The following MTOR variants were observed in gnomAD, a reference collection of about 807,000 sequenced individuals.
MTOR encodes mechanistic target of rapamycin kinase.
Under a neutral mutation model 319.8 loss-of-function variants are expected in MTOR, and 70 were observed. The ratio of observed to expected loss-of-function variants is 0.22; its 90% confidence interval spans 0.18 to 0.27. The LOEUF (loss-of-function observed/expected upper bound fraction) is 0.27. MTOR is among the 10% of genes least tolerant of loss of function. The pLI is 1.00. For missense variants in MTOR, 1,890 were observed against 3,274.4 expected, an observed-to-expected ratio of 0.58 and a Z score of 10.32; for synonymous variants, 1,183 against 1,211.4, an observed-to-expected ratio of 0.98 and a Z score of 0.49.
chr1:11,164,309 T>C (rs1470240584), intron 29 of MTOR, among the ~76,000 whole-genome samples: 1 of 123,084 alleles, frequency 8.1e-6, no homozygotes, highest in African/African-American at 3.2e-5. Flanking sequence ...CACTCCAGCC[T>C]GGGCGACAGA....
At chr1:11,239,020 C>T (rs942538616) in intron 11 of MTOR, among the ~76,000 whole-genome samples, 6 of 151,820 alleles carry the variant, frequency 4.0e-5, no homozygotes, top group Admixed American at 1.3e-4. Flanking sequence ...GTGATCCGCC[C>T]GCCTCGGCCT....
chr1:11,154,804 A>G (rs889496292), intron 30 of MTOR, among the ~76,000 whole-genome samples: 9 of 152,060 alleles, frequency 5.9e-5, no homozygotes, highest in Admixed American at 5.9e-4. Context: ...AGCTGTGATC[A>G]CACCACTGTA....
At chr1:11,227,366 T>C (rs1201718803) in intron 19 of MTOR, among the ~76,000 whole-genome samples, 1 of 117,450 alleles carries the variant, frequency 8.5e-6, no homozygotes, top group African/African-American at 4.1e-5. Flanking sequence ...TAGAAACAAA[T>C]AAACAGTATG....
rs747130357 is a variant in MTOR, at chr1:11,247,991, G to A, written c.944C>T (p.Pro315Leu). 1.2e-6 allele frequency: 2 copies of A among 1,614,162 alleles called. No individual in the cohort carries two copies. The highest frequency in any genetic ancestry group is 2.2e-5 in the South Asian group (2 of 91,080). ...CTGTACAGCCTGGAAACTGGTGAAG[G>A]GGGTAATGTGACGAGGTTTTGTTCC... Reference protein sequence around the residue: ...GFGTKPRHITPFTSFQAVQPQ... With the variant: ...GFGTKPRHITLFTSFQAVQPQ... Residue 315 changes from proline (P) to leucine (L), a missense_variant, in exon 7 of 58, where the codon CCC becomes CTC. This residue lies in a region of MTOR where 418 missense variants were observed against 543.1 expected (regional missense o/e 0.77). Transcript: ENST00000361445.
At chr1:11,258,205 G>C (rs1159057719) in intron 3 of MTOR, among the ~76,000 whole-genome samples, 1 of 152,104 alleles carries the variant, frequency 6.6e-6, no homozygotes, top group Non-Finnish European at 1.5e-5. Flanking sequence ...TGAGGAAGCA[G>C]AGCCCACAAA....
intron 2 of MTOR, among the ~76,000 whole-genome samples, chr1:11,258,984 G>A (rs1650776112): frequency 6.6e-6 from 1 of 152,112 alleles, no homozygotes; most frequent in East Asian, 1.9e-4. Context: ...GTGGTATGTG[G>A]TAAGGAAAAA....
Position 11,234,263 on chromosome 1 carries a change from A to C in MTOR, c.2211T>G (p.Ile737Met). 1 of 1,611,502 alleles carries C rather than the reference A, an allele frequency of 6.2e-7. No individual in the cohort carries two copies. The highest frequency in any genetic ancestry group is 8.5e-7 in the Non-Finnish European group (1 of 1,178,856). The change falls in exon 14 of 58, where the codon ATT (isoleucine) becomes ATG (methionine). Residue 737 changes from isoleucine (I) to methionine (M), a missense_variant and splice_region_variant. Around this residue, in one of 15 missense-constraint regions of MTOR, gnomAD observed 377 missense variants for 653.9 expected, o/e 0.58. Transcript: ENST00000361445. Reference sequence around the variant, plus strand: ...TCCCACTGTGCTCCAACTCTGTCAAAATCTGTAGGGAAGAAAGGCTCATAT... The same window carrying C: ...TCCCACTGTGCTCCAACTCTGTCAACATCTGTAGGGAAGAAAGGCTCATAT... ...MPFLRKMLIQILTELEHSGIG... is the reference protein window; with the variant it reads ...MPFLRKMLIQMLTELEHSGIG...
In MTOR at chr1:11,129,899, G is replaced by A; in HGVS notation, c.5614-61C>T. 7.1e-7 allele frequency: 1 copy of A among 1,405,022 alleles called. No homozygotes were observed. The highest frequency in any genetic ancestry group is 1.0e-6 in the Non-Finnish European group (1 of 994,726). The allele number at this position is 1,405,022 out of a possible 1,614,324, so 87.0% of individuals were successfully genotyped here. On this transcript the variant is annotated intron_variant, in intron 39 of 57. Coordinates refer to ENST00000361445, the MANE Select transcript of MTOR (RefSeq NM_004958.4). This position sits in a 1 kb window ranked among gnomAD's most constrained non-coding sequence, Gnocchi z 4.7. ...CTCTGCTTTCTCATCTGTAAAATGG[G>A]CATAAGAGCATACTAACTGTACCTA...
chr1:11,192,305 A>T (rs777639706), intron 28 of MTOR: 3 of 1,613,928 alleles, frequency 1.9e-6, no homozygotes, highest in Admixed American at 1.7e-5. Context: ...CTACCAGAAG[A>T]ACTACCGCAT....
chr1:11,209,813 T>C (rs547937838), intron 24 of MTOR, among the ~76,000 whole-genome samples: 2 of 152,328 alleles, frequency 1.3e-5, no homozygotes, highest in East Asian at 3.9e-4. Context: ...AAAAGAATCA[T>C]CTATTCACTT....
chr1:11,254,081 C>A, intron 5 of MTOR, 108 bp from the exon 6 acceptor site: 1 of 1,274,728 alleles, frequency 7.8e-7, no homozygotes, highest in South Asian at 1.3e-5. Flanking sequence ...CACGCCTGCT[C>A]AGTGCCTAGT....
intron 28 of MTOR, among the ~76,000 whole-genome samples, chr1:11,190,361 C>T (rs138812082): frequency 6.6e-6 from 1 of 152,268 alleles, no homozygotes; most frequent in African/African-American, 2.4e-5. Flanking sequence ...CAAAGTTTTG[C>T]CAGAAACAGT....
chr1:11,133,317 C>T lies in MTOR; in HGVS notation c.5247-120G>A. The T allele has an allele frequency of 2.2e-6, 2 of 899,142 alleles. No homozygotes were observed. The highest frequency in any genetic ancestry group is 3.5e-6 in the Non-Finnish European group (2 of 572,694). 55.7% of individuals were successfully genotyped at this position (899,142 alleles called of 1,614,324 possible). On this transcript the variant is annotated intron_variant, in intron 37 of 57. Transcript: ENST00000361445. The surrounding 1 kb of genome is among the most constrained non-coding windows in gnomAD (Gnocchi z 4.0). ...GGTATTTCCTCTTATTCTCAAGAGG[C>T]AATGTGAAGGAGCTAGCAAAATTTT... is the stretch of plus-strand genomic sequence containing the variant.
rs775126683 is a variant in MTOR, at chr1:11,122,131, C to T, written c.6663-5G>A. On this transcript the variant is annotated splice_region_variant and splice_polypyrimidine_tract_variant and intron_variant, in intron 47 of 57. Coordinates refer to ENST00000361445, the MANE Select transcript of MTOR (RefSeq NM_004958.4). ...ATGACAGCGTATCTCTGGATGCTGG[C>T]GCCCACAGAAAAGCAGGGTTAGTGT... 6 of 1,614,124 alleles carry T rather than the reference C, an allele frequency of 3.7e-6. No homozygotes were observed. Among genetic ancestry groups the T allele is most frequent in the South Asian group, 2.2e-5 (2 of 91,074 alleles).
At chr1:11,241,488 C>T (rs2100914265) in intron 10 of MTOR, 65 bp downstream of exon 10, 4 of 1,530,934 alleles carry the variant, frequency 2.6e-6, no homozygotes, top group Non-Finnish European at 3.5e-6. Flanking sequence ...ATTCTTTTAA[C>T]AGTCCCAACA....
chr1:11,155,404 A>T (rs1384060527), intron 30 of MTOR, among the ~76,000 whole-genome samples: 2 of 152,276 alleles, frequency 1.3e-5, no homozygotes, highest in Admixed American at 1.3e-4. Context: ...ATATTTTAAG[A>T]AAATGGCAGC....
chr1:11,109,825 G>A lies in MTOR; in HGVS notation c.7367-96C>T, dbSNP rs878955075. On this transcript the variant is annotated intron_variant, in intron 54 of 57. Transcript: ENST00000361445. The surrounding 1 kb of genome is among the most constrained non-coding windows in gnomAD (Gnocchi z 4.0). Reference sequence around the variant, plus strand: ...TCTCTACGCACTCTATTCCTTTAACGCCTGCCCTACCTACCCTAAAGGGGA... The same window carrying A: ...TCTCTACGCACTCTATTCCTTTAACACCTGCCCTACCTACCCTAAAGGGGA... 1.1e-5 allele frequency: 11 copies of A among 1,035,146 alleles called. No homozygotes were observed. The highest frequency in any genetic ancestry group is 7.7e-5 in the South Asian group (6 of 77,948). 64.1% of individuals were successfully genotyped at this position (1,035,146 alleles called of 1,614,324 possible). A position where few individuals can be genotyped will look rare whatever the true frequency, so the allele number is the denominator to read the frequency against.
rs147705887 is a variant in MTOR at position 11,173,376 on chromosome 1, C to T, written c.4254-5859G>A. ...TGCGATCTCAGGCCACTGCAACCTC[C>T]ACCCCCTGGACTCACGCAATCCTCC... On this transcript the variant is annotated intron_variant, in intron 28 of 57. Coordinates refer to ENST00000361445, the MANE Select transcript of MTOR (RefSeq NM_004958.4). Among the ~76,000 whole-genome samples the T allele has an allele frequency of 1.7e-3, 266 of 152,212 alleles. 1 individual carries two copies. Among genetic ancestry groups the T allele is most frequent in the African/African-American group, 6.1e-3 (254 of 41,524 alleles).
chr1:11,159,762 A>G (rs1644418543), intron 29 of MTOR, among the ~76,000 whole-genome samples: 1 of 152,222 alleles, frequency 6.6e-6, no homozygotes. Flanking sequence ...AGCCTGTTAA[A>G]TATTCCCAAT....
Sources: allele counts gnomAD v4.1 joint callset (sites outside exome capture counted in the v4.1 genomes callset), GRCh38; gene constraint gnomAD v4.1.1; regional missense constraint gnomAD v4.1.1; non-coding constraint Gnocchi (gnomAD v3.1); transcripts MANE v1.5; gene names NCBI Gene and HGNC (gene_info 2026-07-23, HGNC 2026-07-21).